UIMC1: variants seen among roughly 807,000 people sequenced by gnomAD.
UIMC1 encodes ubiquitin interaction motif containing 1, also known as BRCA1-A complex subunit RAP80.
Under a neutral mutation model 84.9 loss-of-function variants are expected in UIMC1, and 42 were observed. The ratio of observed to expected loss-of-function variants is 0.49; its 90% CI spans 0.39 to 0.64. UIMC1 has a LOEUF of 0.64. Ranked by LOEUF, UIMC1 falls within the 30% of genes least tolerant of loss-of-function variation. The pLI is 0.00. For synonymous variants in UIMC1, 281 were observed against 293.0 expected (o/e 0.96, Z 0.42); for missense variants, 825 against 847.6 (o/e 0.97, Z 0.33).
upstream of UIMC1, among the ~76,000 whole-genome samples, chr5:177,010,534 T>C (rs1775523292): frequency 6.6e-6 from 1 of 152,050 alleles, no homozygotes. Flanking sequence ...AATAAACACA[T>C]AATAGAGGAT....
intron 1 of UIMC1, among the ~76,000 whole-genome samples, chr5:176,992,889 T>C (rs999661924): frequency 1.3e-5 from 2 of 151,980 alleles, no homozygotes; most frequent in East Asian, 1.9e-4. Flanking sequence ...ATCCAGAATA[T>C]ACAAACAATT....
In UIMC1 at chr5:176,990,041, C is replaced by T. The variant is rs1026157516; in HGVS notation, c.-8-7418G>A. Among the ~76,000 whole-genome samples, 107 of 152,066 alleles carry T rather than the reference C, an allele frequency of 7.0e-4. 1 individual carries two copies. The highest frequency in any genetic ancestry group is 2.3e-3 in the African/African-American group (96 of 41,468). ...TAAAAATACAAAAAAATTAGCCAGG[C>T]GTGGTGGCGGGAGCCTGTAGCCCCA... is the stretch of plus-strand genomic sequence containing the variant. On this transcript the variant is annotated intron_variant, in intron 1 of 14. Transcript: ENST00000511320.
chr5:176,959,924 G>A lies in UIMC1; in HGVS notation c.1201-1770C>T, dbSNP rs188501129. Reference sequence around the variant, plus strand: ...CTCACGCCTCTAATGCCAGCTACTCGGGAGGCTGAGACAGGAGAATCGCTT... The same window carrying A: ...CTCACGCCTCTAATGCCAGCTACTCAGGAGGCTGAGACAGGAGAATCGCTT... On this transcript the variant is annotated intron_variant, in intron 6 of 14. Coordinates refer to ENST00000511320, the MANE Select transcript of UIMC1 (RefSeq NM_001199298.2). 9.1e-3 allele frequency among the ~76,000 whole-genome samples: 1,384 copies of A among 152,176 alleles called. 8 individuals carry two copies. Among genetic ancestry groups the A allele is most frequent in the South Asian group, 0.025 (119 of 4,820 alleles).
rs1486307635 is a variant in UIMC1 at position 177,016,090 on chromosome 5, C to T, written c.-9+6374G>A. Among the ~76,000 whole-genome samples, 2 of 151,766 alleles carry T rather than the reference C, an allele frequency of 1.3e-5. 1 individual carries two copies. The highest frequency in any genetic ancestry group is 2.9e-5 in the Non-Finnish European group (2 of 67,946). On this transcript the variant is annotated intron_variant, in intron 1 of 5. Transcript: ENST00000509236. ...TCAAAAAAGAAAAAAAGAGGCAGGA[C>T]GCGGTGGCTCATGCCCATAATCCCA...
intron 8 of UIMC1, among the ~76,000 whole-genome samples, chr5:176,952,663 C>CCT (rs1766036750): frequency 6.6e-6 from 1 of 152,134 alleles, no homozygotes; most frequent in African/African-American, 2.4e-5. Context: ...TGGGCACAGT[C>CCT]ACTCATGCCT....
chr5:176,935,092 G>A (rs2149430436), intron 10 of UIMC1, among the ~76,000 whole-genome samples: 1 of 152,218 alleles, frequency 6.6e-6, no homozygotes, highest in South Asian at 2.1e-4. Context: ...AATTATTTTA[G>A]TAACACTCAC....
At chr5:176,990,644 C>A (rs778059015) in intron 1 of UIMC1, among the ~76,000 whole-genome samples, 1 of 152,010 alleles carries the variant, frequency 6.6e-6, no homozygotes, top group African/African-American at 2.4e-5. Flanking sequence ...ACAAATGTTG[C>A]CATATTTCTA....
rs533965732 is a variant in UIMC1 at position 176,989,953 on chromosome 5, G to A, written c.-8-7330C>T. ...CCCAGCACTTTGGGAGGCCGAGGCA[G>A]GCAGATCATGAGGTCAGGAGATCGA... On this transcript the variant is annotated intron_variant, in intron 1 of 14. Coordinates refer to ENST00000511320, the MANE Select transcript of UIMC1 (RefSeq NM_001199298.2). Among the ~76,000 whole-genome samples the A allele has an allele frequency of 7.2e-4, 109 of 152,202 alleles. 1 individual carries two copies. The highest frequency in any genetic ancestry group is 1.2e-3 in the Non-Finnish European group (82 of 68,002).
chr5:176,933,267 A>T (rs909347754), intron 10 of UIMC1, among the ~76,000 whole-genome samples: 2 of 152,244 alleles, frequency 1.3e-5, no homozygotes, highest in African/African-American at 4.8e-5. Flanking sequence ...TTCTTCTTCG[A>T]AGAAGAAATA....
chr5:176,974,600 C>T (rs923782413), intron 3 of UIMC1, among the ~76,000 whole-genome samples: 3 of 152,132 alleles, frequency 2.0e-5, no homozygotes, highest in African/African-American at 7.2e-5. Context: ...AATCCCAGCA[C>T]TTTGGAAGGC....
chr5:176,939,030 C>G (rs551251719), intron 10 of UIMC1, among the ~76,000 whole-genome samples: 1 of 151,248 alleles, frequency 6.6e-6, no homozygotes, highest in African/African-American at 2.4e-5. Flanking sequence ...AGGCGGGATG[C>G]CTGCTTGGGC....
rs879865044 is a variant in UIMC1, at chr5:176,969,054, T to C, written c.701A>G (p.Gln234Arg). 7 of 1,614,212 alleles carry C rather than the reference T, an allele frequency of 4.3e-6. No individual in the cohort carries two copies. The highest frequency in any genetic ancestry group is 2.2e-5 in the East Asian group (1 of 44,888). Residue 234 changes from glutamine (Q) to arginine (R), a missense_variant, in exon 6 of 15, where the codon CAG (glutamine) becomes CGG (arginine). By Grantham distance (43) the Gln-to-Arg change is conservative (BLOSUM62 1). Coordinates refer to ENST00000511320, the MANE Select transcript of UIMC1 (RefSeq NM_001199298.2). ...AGCAGAACCCCTCCCAGTACTTTCC[T>C]GTGGCTTCCCACACTGTGTGTGCTC... Reference protein sequence around the residue: ...SAEHTQCGKPQESTGRGSAFL... With the variant: ...SAEHTQCGKPRESTGRGSAFL...
At position 176,969,138 on chromosome 5, in the gene UIMC1, T is replaced by C. The variant is rs1768801813; in HGVS notation, c.617A>G (p.Gln206Arg). The change falls in exon 6 of 15, where the codon CAG becomes CGG. Residue 206 changes from glutamine (Q) to arginine (R), a missense_variant. Coordinates refer to ENST00000511320, the MANE Select transcript of UIMC1 (RefSeq NM_001199298.2). The stretch of plus-strand genomic sequence containing the variant: ...AACGTTCACATTCTCAAACACTGGC[T>C]GGCTTGACTGGTCCCAGCTTCCTGA... The part of the protein sequence containing the change: ...GSSGSWDQSS[Q>R]PVFENVNVKS... 1 of 1,614,218 alleles carries C rather than the reference T, an allele frequency of 6.2e-7. No individual in the cohort carries two copies. Among genetic ancestry groups the C allele is most frequent in the African/African-American group, 1.3e-5 (1 of 75,060 alleles).
At chr5:176,908,309 T>G (rs1208817939) in intron 12 of UIMC1, among the ~76,000 whole-genome samples, 1 of 152,246 alleles carries the variant, frequency 6.6e-6, no homozygotes, top group Non-Finnish European at 1.5e-5. Context: ...CCTGATTATT[T>G]ATATTTTTTT....
chr5:176,915,475 G>C (rs1297253682), intron 10 of UIMC1, among the ~76,000 whole-genome samples: 1 of 144,330 alleles, frequency 6.9e-6, no homozygotes, highest in Non-Finnish European at 1.5e-5. Flanking sequence ...TTTTTTTTGA[G>C]ACACAGTCTC....
intron 1 of UIMC1, among the ~76,000 whole-genome samples, chr5:176,985,473 C>A (rs1480085071): frequency 2.1e-4 from 30 of 144,574 alleles, no homozygotes; most frequent in South Asian, 4.4e-4. Context: ...AAAAAAAAAA[C>A]AACTATATAA....
chr5:176,943,596 C>T, intron 9 of UIMC1, 108 bp from the exon 10 acceptor site: 1 of 1,348,186 alleles, frequency 7.4e-7, no homozygotes, highest in South Asian at 1.4e-5. Context: ...AAAGAGACAA[C>T]AACAGCTTAT....
At chr5:176,909,986 A>G (rs1049745986) in intron 11 of UIMC1, among the ~76,000 whole-genome samples, 4 of 152,218 alleles carry the variant, frequency 2.6e-5, no homozygotes, top group Non-Finnish European at 5.9e-5. Context: ...CACCTAGCAC[A>G]ATGACTGGCA....
chr5:176,956,418 T>C (rs1766604256), intron 7 of UIMC1, among the ~76,000 whole-genome samples: 1 of 152,196 alleles, frequency 6.6e-6, no homozygotes, highest in Non-Finnish European at 1.5e-5. Flanking sequence ...ATTTGTAAAC[T>C]GACAAGAGAA....
Sources: gnomAD v4.1 joint callset for allele counts (sites outside exome capture counted in the v4.1 genomes callset) on GRCh38, gnomAD v4.1.1 for gene constraint, MANE v1.5 for transcripts, NCBI Gene and HGNC (gene_info 2026-07-23, HGNC 2026-07-21) for gene names.